The following TTC23L variants were observed in gnomAD, a reference collection of about 807,000 sequenced individuals.
TTC23L encodes the protein tetratricopeptide repeat protein 23-like.
Under a neutral mutation model 48.1 loss-of-function variants are expected in TTC23L, and 42 were observed. The observed-to-expected ratio is 0.87, with a 90% confidence interval of 0.68 to 1.13. TTC23L has a LOEUF of 1.13. Among genes scored for constraint, TTC23L ranks in the 50% most tolerant of loss-of-function variants. The pLI is 0.00. For synonymous variants in TTC23L, 159 were observed against 157.2 expected (o/e 1.01, Z -0.09); for missense variants, 391 against 421.0 (o/e 0.93, Z 0.62).
At chr5:34,886,523 G>T (rs1339624842) in intron 9 of TTC23L, among the ~76,000 whole-genome samples, 1 of 152,202 alleles carries the variant, frequency 6.6e-6, no homozygotes, top group Non-Finnish European at 1.5e-5. Context: ...GGAGAGCCCA[G>T]AAAGGCAATT....
At chr5:34,881,335 T>A (rs930221778) in intron 9 of TTC23L, among the ~76,000 whole-genome samples, 6 of 152,240 alleles carry the variant, frequency 3.9e-5, no homozygotes, top group Non-Finnish European at 5.9e-5. Context: ...GAATAATTGT[T>A]ATTGCTGACC....
At chr5:34,887,201 T>A (rs1051841511) in intron 9 of TTC23L, among the ~76,000 whole-genome samples, 3 of 152,118 alleles carry the variant, frequency 2.0e-5, no homozygotes, top group African/African-American at 7.2e-5. Flanking sequence ...AAAGAGGAAC[T>A]CATTTTGAAG....
At chr5:34,913,858 T>C in the TTC23L span, 1 of 481,638 alleles carries the variant, frequency 2.1e-6, no homozygotes, top group Non-Finnish European at 4.0e-6. Context: ...GACTTGATAA[T>C]GCATGAGCAA....
chr5:34,869,664 A>G (rs1388168312), intron 8 of TTC23L: 1 of 152,240 alleles, frequency 6.6e-6, no homozygotes, highest in East Asian at 1.9e-4. Context: ...TTTAGGCTTC[A>G]TGAAGAATAT....
chr5:34,903,181 T>C (rs1414235861), downstream of TTC23L, among the ~76,000 whole-genome samples: 2 of 152,192 alleles, frequency 1.3e-5, no homozygotes, highest in East Asian at 1.9e-4. Context: ...TTATTGTCAG[T>C]GTAAGGTTGC....
chr5:34,918,326 A>T, the TTC23L span: 2 of 1,097,002 alleles, frequency 1.8e-6, no homozygotes, highest in African/African-American at 3.1e-5. Flanking sequence ...AGTTCAGTAT[A>T]AGATTTTAAA....
At chr5:34,843,794 G>A (rs1207395956) in intron 2 of TTC23L, among the ~76,000 whole-genome samples, 1 of 152,060 alleles carries the variant, frequency 6.6e-6, no homozygotes, top group Non-Finnish European at 1.5e-5. Context: ...TCTAAAGACT[G>A]CACATTCTTT....
intron 9 of TTC23L, chr5:34,888,571 C>T (rs1174571108): frequency 1.0e-6 from 1 of 956,684 alleles, no homozygotes; most frequent in Non-Finnish European, 1.2e-6. Context: ...GCCATGTCAT[C>T]AATGTGGATA....
chr5:34,917,451 G>A, the TTC23L span, among the ~76,000 whole-genome samples: 2 of 151,626 alleles, frequency 1.3e-5, no homozygotes, highest in African/African-American at 4.9e-5. Flanking sequence ...GGCCAAGATG[G>A]TGAAACCCCG....
At chr5:34,914,841 C>G in the TTC23L span, 7 of 1,614,170 alleles carry the variant, frequency 4.3e-6, no homozygotes, top group Non-Finnish European at 5.9e-6. Context: ...AGGCTGGCCA[C>G]AAGGCTGTAC....
intron 8 of TTC23L, among the ~76,000 whole-genome samples, chr5:34,877,373 T>C: frequency 6.6e-6 from 1 of 152,078 alleles, no homozygotes; most frequent in Non-Finnish European, 1.5e-5. Context: ...TTTTTTTTTT[T>C]TTTTTTGGTT....
At chr5:34,915,099 T>C in the TTC23L span, 1 of 576,268 alleles carries the variant, frequency 1.7e-6, no homozygotes. Context: ...CTTAACTATC[T>C]TTGTAATTCT....
intron 9 of TTC23L, among the ~76,000 whole-genome samples, chr5:34,886,488 T>C (rs1762552115): frequency 6.6e-6 from 1 of 151,508 alleles, no homozygotes; most frequent in African/African-American, 2.4e-5. Flanking sequence ...CTTTTCATAA[T>C]ACGGGCAGGA....
At chr5:34,851,577 A>C (rs1028590451) in intron 4 of TTC23L, among the ~76,000 whole-genome samples, 1 of 152,188 alleles carries the variant, frequency 6.6e-6, no homozygotes, top group Non-Finnish European at 1.5e-5. Flanking sequence ...TTCTGAAAGA[A>C]GGTGCTATGG....
At chr5:34,867,343 AAG>A in intron 7 of TTC23L, 2 of 461,112 alleles carry the variant, frequency 4.3e-6, no homozygotes, top group Non-Finnish European at 7.8e-6. Context: ...TGCTGTAAAA[AAG>A]AAGCAAAATG....
At chr5:34,858,945 G>A (rs887597089) in intron 4 of TTC23L, among the ~76,000 whole-genome samples, 8 of 152,226 alleles carry the variant, frequency 5.3e-5, no homozygotes, top group African/African-American at 1.7e-4. Flanking sequence ...GGAACTCTAT[G>A]ATTGATTAGC....
exon 8 of TTC23L, chr5:34,868,935 G>A: frequency 6.2e-7 from 1 of 1,610,620 alleles, no homozygotes; most frequent in Non-Finnish European, 8.5e-7. Context: ...TTTGTTCACT[G>A]AAGTCAGCCC....
intron 8 of TTC23L, among the ~76,000 whole-genome samples, chr5:34,871,652 A>AT (rs1761476451): frequency 6.6e-6 from 1 of 152,222 alleles, no homozygotes; most frequent in African/African-American, 2.4e-5. Flanking sequence ...AAGATTTACT[A>AT]TAAAGCAGTA....
chr5:34,862,405 G>C (rs912923017), intron 4 of TTC23L, among the ~76,000 whole-genome samples: 2 of 152,136 alleles, frequency 1.3e-5, no homozygotes, highest in Non-Finnish European at 2.9e-5. Flanking sequence ...GCATTCTATG[G>C]CATAACCTAC....
Sources: gnomAD v4.1 joint callset for allele counts (sites outside exome capture counted in the v4.1 genomes callset) on GRCh38, gnomAD v4.1.1 for gene constraint, MANE v1.5 for transcripts, NCBI Gene and HGNC (gene_info 2026-07-23, HGNC 2026-07-21) for gene names.